The following STK17A variants were observed in gnomAD, a reference collection of about 807,000 sequenced individuals.
STK17A encodes serine/threonine-protein kinase 17A.
STK17A carries 26 observed loss-of-function variants against 43.7 expected under a neutral mutation model. The ratio of observed to expected loss-of-function variants is 0.60; its 90% CI spans 0.44 to 0.83. The LOEUF is 0.83. Ranked by LOEUF, STK17A falls within the 40% of genes least tolerant of loss-of-function variation. The pLI is 0.00. For missense variants in STK17A, 476 were observed against 511.6 expected, an observed-to-expected ratio of 0.93 and a Z score of 0.67; for synonymous variants, 191 against 182.5, an observed-to-expected ratio of 1.05 and a Z score of -0.38.
In STK17A at chr7:43,624,992, G is replaced by A; in HGVS notation, c.*150G>A. 4.4e-6 allele frequency: 3 copies of A among 684,980 alleles called. No homozygotes were observed. The highest frequency in any genetic ancestry group is 6.7e-6 in the Non-Finnish European group (3 of 445,790). The allele number at this position is 684,980 out of a possible 1,614,324, so 42.4% of individuals were successfully genotyped here. A position where few individuals can be genotyped will look rare whatever the true frequency, so the allele number is the denominator to read the frequency against. ...AACTTTGTCAAATTTGTGGAGTTAGGTGGAAGCCAGATTTTAAAAGTTGCC... is the reference window on the plus strand; with the variant it reads ...AACTTTGTCAAATTTGTGGAGTTAGATGGAAGCCAGATTTTAAAAGTTGCC... On this transcript the variant is annotated 3_prime_UTR_variant, in exon 7 of 7. Transcript: ENST00000319357.
At chr7:43,599,732 G>A (rs1212825956) in intron 2 of STK17A, among the ~76,000 whole-genome samples, 1 of 152,214 alleles carries the variant, frequency 6.6e-6, no homozygotes, top group East Asian at 1.9e-4. Context: ...CAATAGGCCT[G>A]CAAGCTGGAC....
chr7:43,613,569 G>A (rs2083071492), intron 3 of STK17A, among the ~76,000 whole-genome samples: 1 of 152,154 alleles, frequency 6.6e-6, no homozygotes, highest in Non-Finnish European at 1.5e-5. Flanking sequence ...AAGGCCAGGT[G>A]TGGTGGCTCA....
chr7:43,593,266 CAT>C (rs1409774033), intron 1 of STK17A, among the ~76,000 whole-genome samples: 1 of 152,228 alleles, frequency 6.6e-6, no homozygotes, highest in African/African-American at 2.4e-5. Context: ...GTCCATGATA[CAT>C]ATACACACCA....
intron 2 of STK17A, among the ~76,000 whole-genome samples, chr7:43,600,706 T>TA (rs1039073797): frequency 3.9e-5 from 6 of 152,110 alleles, no homozygotes; most frequent in Non-Finnish European, 8.8e-5. Context: ...TCAAAAGCCT[T>TA]AAAAAAATAC....
intron 2 of STK17A, among the ~76,000 whole-genome samples, chr7:43,605,695 T>C (rs1024698325): frequency 3.3e-5 from 5 of 151,888 alleles, no homozygotes; most frequent in African/African-American, 9.7e-5. Flanking sequence ...CCTATACCCC[T>C]GTCCATAAAT....
intron 2 of STK17A, among the ~76,000 whole-genome samples, chr7:43,607,756 G>C (rs2082620170): frequency 6.6e-6 from 1 of 151,026 alleles, no homozygotes; most frequent in African/African-American, 2.4e-5. Context: ...TAAATTGATA[G>C]TAATGGGCTG....
At position 43,606,916 on chromosome 7, in the gene STK17A, C is replaced by CTTTT. The variant is rs71011933; in HGVS notation, c.420-1319_420-1316dup. On this transcript the variant is annotated intron_variant, in intron 2 of 6. Coordinates refer to ENST00000319357, the MANE Select transcript of STK17A (RefSeq NM_004760.3). Reference sequence around the variant, plus strand: ...TCACTCAATCTAGCTTTTCGATTTTCTTTTTTTTTTTTTTTTTTTTTTTTG... The same window carrying CTTTT: ...TCACTCAATCTAGCTTTTCGATTTTCTTTTTTTTTTTTTTTTTTTTTTTTTTTTG... Among the ~76,000 whole-genome samples, 53 of 62,636 alleles carry CTTTT rather than the reference C, an allele frequency of 8.5e-4. 2 individuals carry two copies. The highest frequency in any genetic ancestry group is 1.9e-3 in the African/African-American group (23 of 12,148). 41.1% of individuals were successfully genotyped at this position (62,636 alleles called of 152,430 possible).
intron 1 of STK17A, among the ~76,000 whole-genome samples, chr7:43,591,799 C>G (rs1328463861): frequency 2.0e-5 from 3 of 151,506 alleles, no homozygotes; most frequent in African/African-American, 7.3e-5. Context: ...ATTCTAACTT[C>G]TAGGTTTTGA....
rs906795945 is a variant in STK17A at position 43,626,027 on chromosome 7, A to T, written c.*1185A>T. 1 of 152,244 alleles carries T rather than the reference A, an allele frequency of 6.6e-6. No individual in the cohort carries two copies. The highest frequency in any genetic ancestry group is 1.5e-5 in the Non-Finnish European group (1 of 68,032). The allele number at this position is 152,244 out of a possible 1,614,324, so 9.4% of individuals were successfully genotyped here. On this transcript the variant is annotated 3_prime_UTR_variant, in exon 7 of 7. Transcript: ENST00000319357. ...GCCCCACAGTGACCAGTAAAGTCCA[A>T]TTAAAATATGGAAATGTAAAAGTGT...
intron 2 of STK17A, among the ~76,000 whole-genome samples, chr7:43,606,640 T>G (rs1249804784): frequency 6.6e-6 from 1 of 152,184 alleles, no homozygotes; most frequent in Admixed American, 6.5e-5. Flanking sequence ...AGGGCTTCTC[T>G]AGCTTCCATG....
chr7:43,601,345 A>G (rs1563146114), intron 2 of STK17A, among the ~76,000 whole-genome samples: 2 of 152,252 alleles, frequency 1.3e-5, no homozygotes, highest in African/African-American at 4.8e-5. Flanking sequence ...TGCATTTCTA[A>G]TTTATGATAG....
At chr7:43,623,415 C>G in intron 4 of STK17A, 157 bp from the exon 5 acceptor site, 1 of 629,048 alleles carries the variant, frequency 1.6e-6, no homozygotes, top group Non-Finnish European at 2.7e-6. Flanking sequence ...TCTAGTTAGG[C>G]TTTATATTAA....
Position 43,623,606 on chromosome 7 carries a change from G to T in STK17A, c.726G>T (p.Met242Ile). The T allele has an allele frequency of 1.2e-6, 2 of 1,611,218 alleles. No homozygotes were observed. Among genetic ancestry groups the T allele is most frequent in the South Asian group, 1.1e-5 (1 of 90,438 alleles). ...TTCTTAGTTATGATCCTATAAGCAT[G>T]GCAACAGATATGTGGTAAGAGTTAT... ...PEILSYDPIS[M>I]ATDMWSIGVL... Residue 242 changes from methionine to isoleucine, a missense_variant, in exon 5 of 7, where the codon ATG (methionine) becomes ATT (isoleucine). Coordinates refer to ENST00000319357, the MANE Select transcript of STK17A (RefSeq NM_004760.3).
intron 3 of STK17A, among the ~76,000 whole-genome samples, chr7:43,613,230 G>T (rs1388425903): frequency 6.6e-6 from 1 of 152,128 alleles, no homozygotes; most frequent in Non-Finnish European, 1.5e-5. Context: ...AAAATATTCA[G>T]GGTGCAAAAA....
intron 3 of STK17A, among the ~76,000 whole-genome samples, chr7:43,613,916 A>G (rs2083104897): frequency 6.6e-6 from 1 of 152,202 alleles, no homozygotes; most frequent in Non-Finnish European, 1.5e-5. Flanking sequence ...GGGACTTTCC[A>G]TATGAGATTT....
intron 2 of STK17A, among the ~76,000 whole-genome samples, chr7:43,604,703 A>G (rs576015970): frequency 2.0e-5 from 3 of 151,986 alleles, no homozygotes; most frequent in Non-Finnish European, 4.4e-5. Flanking sequence ...AGCTACTTAA[A>G]TTTTTTTGTT....
At chr7:43,613,875 AAATT>A (rs1007196544) in intron 3 of STK17A, among the ~76,000 whole-genome samples, 4 of 152,172 alleles carry the variant, frequency 2.6e-5, no homozygotes, top group African/African-American at 9.7e-5. Flanking sequence ...TAATTTCTAA[AAATT>A]AATTTCAAAA....
intron 3 of STK17A, among the ~76,000 whole-genome samples, chr7:43,610,255 G>A (rs1324586933): frequency 1.3e-5 from 2 of 148,260 alleles, no homozygotes; most frequent in Non-Finnish European, 3.0e-5. Context: ...GCTGAGGCAG[G>A]AGAATGGTGT....
intron 3 of STK17A, among the ~76,000 whole-genome samples, chr7:43,616,830 G>A (rs932335454): frequency 2.0e-5 from 3 of 152,168 alleles, no homozygotes; most frequent in African/African-American, 7.2e-5. Context: ...CTGGGAGGTG[G>A]AGCTTGCAGT....
Sources: gnomAD v4.1 joint callset for allele counts (sites outside exome capture counted in the v4.1 genomes callset) on GRCh38, gnomAD v4.1.1 for gene constraint, MANE v1.5 for transcripts, NCBI Gene and HGNC (gene_info 2026-07-23, HGNC 2026-07-21) for gene names.